Variants in SOX5 observed in about 807,000 individuals in gnomAD.
The protein encoded by SOX5 is SRY-box transcription factor 5, also known as transcription factor SOX-5.
In SOX5, 9 loss-of-function variants were observed where a neutral mutation model predicts 92.0. The ratio of observed to expected loss-of-function variants is 0.10; its 90% CI spans 0.06 to 0.17. The LOEUF (loss-of-function observed/expected upper bound fraction) is 0.17, where lower values mean the gene tolerates loss of function less well. SOX5 is among the 10% of genes least tolerant of loss of function. The pLI, the probability that SOX5 is intolerant of heterozygous loss-of-function variation, is 1.00. For synonymous variants in SOX5, 344 were observed against 336.3 expected, an observed-to-expected ratio of 1.02 and a Z score of -0.25; for missense variants, 642 against 944.5, an observed-to-expected ratio of 0.68 and a Z score of 4.20.
chr12:24,429,357 C>CA lies in SOX5; in HGVS notation c.-250-60719dup, dbSNP rs940695136. 1.2e-4 allele frequency among the ~76,000 whole-genome samples: 18 copies of CA among 150,848 alleles called. No individual in the cohort carries two copies. In the East Asian group the frequency reaches 3.1e-3, roughly 26 times the overall value. On this transcript the variant is annotated intron_variant, in intron 1 of 4. Transcript: ENST00000446891. ...CAAAAAAACAAAAACAAAACAACAACAAAAAAAAGGTGTTGGAATAGTATG... is the reference window on the plus strand; with the variant it reads ...CAAAAAAACAAAAACAAAACAACAACAAAAAAAAAGGTGTTGGAATAGTATG...
rs202009064 is a variant in SOX5, at chr12:23,845,987, C to T, written c.477G>A (p.Pro159=). 1.1e-4 allele frequency: 183 copies of T among 1,612,846 alleles called. No individual in the cohort carries two copies. In the East Asian group the frequency reaches 2.6e-3, roughly 23 times the overall value. Residue 159 remains proline (P), a synonymous_variant, in exon 3 of 15, where the codon CCG becomes CCA. Transcript: ENST00000451604. ...RKMEELIKNE[P]EETPSIEKLL... Reference sequence around the variant, plus strand: ...GTTTTCTCTTCCAGCCTTTACCTTCCGGCTCGTTTTTGATGAGCTCTTCCA... The same window carrying T: ...GTTTTCTCTTCCAGCCTTTACCTTCTGGCTCGTTTTTGATGAGCTCTTCCA...
intron 13 of SOX5, among the ~76,000 whole-genome samples, chr12:23,539,084 T>G (rs572313654): frequency 6.6e-6 from 1 of 151,980 alleles, no homozygotes; most frequent in South Asian, 2.1e-4. Context: ...GGATTACAGG[T>G]GTGAGCCACC....
intron 11 of SOX5, among the ~76,000 whole-genome samples, chr12:23,551,984 A>T (rs1436457033): frequency 6.6e-6 from 1 of 151,930 alleles, no homozygotes; most frequent in Non-Finnish European, 1.5e-5. Flanking sequence ...TTTCTTAAGA[A>T]GTACTACAAA....
chr12:23,653,146 A>G (rs576911079), intron 7 of SOX5, among the ~76,000 whole-genome samples: 5 of 152,004 alleles, frequency 3.3e-5, no homozygotes, highest in Non-Finnish European at 7.4e-5. Context: ...CCTGCAGCAT[A>G]TGTCTAAACA....
chr12:24,363,712 A>G (rs1955849702), intron 2 of SOX5, among the ~76,000 whole-genome samples: 1 of 119,112 alleles, frequency 8.4e-6, no homozygotes, highest in Non-Finnish European at 1.9e-5. Context: ...TAAAGGAAGC[A>G]CATGAAAAAA....
chr12:24,561,550 G>A (rs1405417319), intron 1 of SOX5, among the ~76,000 whole-genome samples: 1 of 152,168 alleles, frequency 6.6e-6, no homozygotes, highest in Admixed American at 6.5e-5. Context: ...TAGCCCCAAA[G>A]TGCAAGCGAG....
At chr12:24,097,347 T>G (rs1945546549) in intron 4 of SOX5, among the ~76,000 whole-genome samples, 1 of 152,188 alleles carries the variant, frequency 6.6e-6, no homozygotes, top group African/African-American at 2.4e-5. Context: ...ATAGTGTCCT[T>G]TGCAGCATAA....
intron 1 of SOX5, among the ~76,000 whole-genome samples, chr12:24,406,939 AG>A (rs1374390726): frequency 6.6e-6 from 1 of 152,164 alleles, no homozygotes; most frequent in East Asian, 1.9e-4. Context: ...GGGGGTAGAC[AG>A]GGGTGATGGG....
chr12:23,996,713 G>T (rs1290129159), intron 4 of SOX5, among the ~76,000 whole-genome samples: 1 of 152,178 alleles, frequency 6.6e-6, no homozygotes, highest in Non-Finnish European at 1.5e-5. Flanking sequence ...GTGATGCAAA[G>T]ATGTCCTATG....
intron 3 of SOX5, among the ~76,000 whole-genome samples, chr12:24,258,833 C>T (rs1278399338): frequency 6.6e-6 from 1 of 152,182 alleles, no homozygotes; most frequent in Non-Finnish European, 1.5e-5. Context: ...GTCCAAATCT[C>T]TGTGAAATAG....
intron 2 of SOX5, among the ~76,000 whole-genome samples, chr12:23,884,612 T>C (rs1322009533): frequency 1.3e-5 from 2 of 152,254 alleles, no homozygotes; most frequent in Non-Finnish European, 2.9e-5. Flanking sequence ...CTATTTATTC[T>C]GATAAAATAT....
chr12:23,845,902 CA>C lies in SOX5; in HGVS notation c.481+80del, dbSNP rs906018617. ...CCAATTTAACTTTAAGAGTATAAAT[CA>C]AAAAACAAATCAAGAAATTAAAATC... is the stretch of plus-strand genomic sequence containing the variant. On this transcript the variant is annotated intron_variant, in intron 3 of 14. Coordinates refer to ENST00000451604, the MANE Select transcript of SOX5 (RefSeq NM_006940.6). The C allele has an allele frequency of 4.5e-5, 54 of 1,197,454 alleles. No individual in the cohort carries two copies. In the African/African-American group the frequency reaches 7.5e-4, roughly 17 times the overall value. 74.2% of individuals were successfully genotyped at this position (1,197,454 alleles called of 1,614,324 possible). A position where few individuals can be genotyped will look rare whatever the true frequency, so the allele number is the denominator to read the frequency against.
At chr12:23,951,423 C>A (rs555086229), upstream of SOX5, among the ~76,000 whole-genome samples, 1 of 151,854 alleles carries the variant, frequency 6.6e-6, no homozygotes, top group African/African-American at 2.4e-5. Flanking sequence ...GTTGACCCCA[C>A]GGCAGTTTGA....
At chr12:24,010,835 A>G (rs1415862948) in intron 4 of SOX5, among the ~76,000 whole-genome samples, 1 of 151,988 alleles carries the variant, frequency 6.6e-6, no homozygotes, top group Non-Finnish European at 1.5e-5. Flanking sequence ...GCTATTCAAG[A>G]GGCTGAGGCC....
intron 4 of SOX5, among the ~76,000 whole-genome samples, chr12:24,036,956 G>T (rs763098136): frequency 6.6e-6 from 1 of 152,062 alleles, no homozygotes; most frequent in Non-Finnish European, 1.5e-5. Flanking sequence ...CAGGATAACT[G>T]TAAGTCTTTG....
Position 24,408,941 on chromosome 12 carries a change from G to A in SOX5, c.-250-40302C>T, listed in dbSNP as rs144266410. Among the ~76,000 whole-genome samples, 153 of 152,194 alleles carry A rather than the reference G, an allele frequency of 1.0e-3. 1 individual carries two copies. Among genetic ancestry groups the A allele is most frequent in the Middle Eastern group, 3.4e-3 (1 of 294 alleles). ...GGTGATTCCTCGAGAATCTAGAACC[G>A]GAAATATCATTTGACCCAGCAATCC... is the stretch of plus-strand genomic sequence containing the variant. On this transcript the variant is annotated intron_variant, in intron 1 of 4. Coordinates refer to the SOX5 transcript ENST00000446891.
At chr12:24,484,284 T>G (rs1337660539) in intron 1 of SOX5, among the ~76,000 whole-genome samples, 2 of 152,304 alleles carry the variant, frequency 1.3e-5, no homozygotes, top group East Asian at 3.9e-4. Flanking sequence ...TTCTAAAGAC[T>G]TTCCCCTCTT....
chr12:24,408,940 C>T (rs765218890), intron 1 of SOX5, among the ~76,000 whole-genome samples: 2 of 152,074 alleles, frequency 1.3e-5, no homozygotes, highest in African/African-American at 4.8e-5. Context: ...AATCTAGAAC[C>T]GGAAATATCA....
At chr12:24,311,029 C>T (rs1378131439) in intron 2 of SOX5, among the ~76,000 whole-genome samples, 2 of 152,172 alleles carry the variant, frequency 1.3e-5, no homozygotes, top group Admixed American at 1.3e-4. Context: ...AAGAAGGTCA[C>T]TTCTGCCTTT....
Sources: gnomAD v4.1 joint callset for allele counts (sites outside exome capture counted in the v4.1 genomes callset) on GRCh38, gnomAD v4.1.1 for gene constraint, MANE v1.5 for transcripts, NCBI Gene and HGNC (gene_info 2026-07-23, HGNC 2026-07-21) for gene names.